PPM1F: variants seen among roughly 807,000 people sequenced by gnomAD.
PPM1F encodes protein phosphatase, Mg2+/Mn2+ dependent 1F, also known as protein phosphatase 1F.
Under a neutral mutation model 35.5 loss-of-function variants are expected in PPM1F, and 17 were observed. The observed-to-expected ratio is 0.48, with a 90% CI of 0.33 to 0.72. PPM1F has a LOEUF of 0.72. Ranked by LOEUF, PPM1F falls within the 30% of genes least tolerant of loss-of-function variation. The pLI, the probability that PPM1F is intolerant of heterozygous loss-of-function variation, is 0.02. For synonymous variants in PPM1F, 241 were observed against 255.5 expected (o/e 0.94, Z 0.54); for missense variants, 521 against 613.0 (o/e 0.85, Z 1.59).
rs1711728789 is a variant in PPM1F at position 21,922,114 on chromosome 22, C to T, written c.*978G>A. On this transcript the variant is annotated 3_prime_UTR_variant, in exon 8 of 8. Transcript: ENST00000263212. ...AAACCTCAATGGGCCTATCCGAGCC[C>T]ACTGCAGTCCTAGTTTCTTCAAAGC... 6.6e-6 allele frequency: 1 copy of T among 152,638 alleles called. No homozygotes were observed. The highest frequency in any genetic ancestry group is 1.5e-5 in the Non-Finnish European group (1 of 68,032). 9.5% of individuals were successfully genotyped at this position (152,638 alleles called of 1,614,324 possible).
At chr22:21,924,221 C>T (rs1368251173) in intron 7 of PPM1F, among the ~76,000 whole-genome samples, 1 of 151,790 alleles carries the variant, frequency 6.6e-6, no homozygotes, top group Non-Finnish European at 1.5e-5. Context: ...CAGCCTGAGA[C>T]CCGGCACTGA....
chr22:21,927,854 C>T (rs1055150218), intron 6 of PPM1F, among the ~76,000 whole-genome samples: 1 of 152,010 alleles, frequency 6.6e-6, no homozygotes, highest in Non-Finnish European at 1.5e-5. Flanking sequence ...CAGTCTGGTC[C>T]GGGACTAACA....
intron 2 of PPM1F, 106 bp downstream of exon 2, chr22:21,945,737 G>T: frequency 1.7e-6 from 2 of 1,194,256 alleles, no homozygotes; most frequent in Non-Finnish European, 1.2e-6. Context: ...CGGGGCTGCA[G>T]ATCCCCGTGT....
At chr22:21,931,017 G>A (rs1176121088) in intron 6 of PPM1F, 131 bp downstream of exon 6, 2 of 1,440,956 alleles carry the variant, frequency 1.4e-6, no homozygotes, top group Admixed American at 2.4e-5. Context: ...AAATCAGGCA[G>A]GGAGCCCTCC....
Position 21,934,024 on chromosome 22 carries a change from A to T in PPM1F, c.558T>A (p.Ser186=). 4 of 1,551,488 alleles carry T rather than the reference A, an allele frequency of 2.6e-6. No individual in the cohort carries two copies. The highest frequency in any genetic ancestry group is 2.6e-6 in the Non-Finnish European group (3 of 1,146,214). ...LPSFNQLFGL[S]DPVNRAYFAV... The stretch of plus-strand genomic sequence containing the variant: ...CCAGGGTCTGGACGGGAGCACTCAC[A>T]GACAAGCCGAAGAGCTGGTTGAAGG... The change falls in exon 4 of 8, where the codon TCT becomes TCA. Residue 186 remains serine (S), a splice_region_variant and synonymous_variant. Coordinates refer to ENST00000263212, the MANE Select transcript of PPM1F (RefSeq NM_014634.4).
intron 1 of PPM1F, chr22:21,950,455 C>T (rs1035832515): frequency 4.6e-5 from 7 of 151,386 alleles, no homozygotes; most frequent in Non-Finnish European, 5.9e-5. Context: ...CTAAGCTTAA[C>T]GAATGCAGGG....
chr22:21,947,878 T>C (rs2070792829), intron 1 of PPM1F: 1 of 151,892 alleles, frequency 6.6e-6, no homozygotes, highest in South Asian at 2.1e-4. Context: ...CAAAAGAGAA[T>C]GGGGTGGGCA....
chr22:21,927,532 A>C (rs1265989723), intron 6 of PPM1F, among the ~76,000 whole-genome samples: 3 of 152,178 alleles, frequency 2.0e-5, no homozygotes, highest in Non-Finnish European at 4.4e-5. Context: ...AATGAACGGC[A>C]ATCTGCTTCC....
chr22:21,940,519 A>G (rs1027769833), intron 2 of PPM1F: 1 of 152,014 alleles, frequency 6.6e-6, no homozygotes, highest in Non-Finnish European at 1.5e-5. Flanking sequence ...ACAGACACAC[A>G]CACACAGAGA....
intron 3 of PPM1F, chr22:21,935,081 G>A (rs1023747871): frequency 6.6e-6 from 1 of 152,064 alleles, no homozygotes; most frequent in Non-Finnish European, 1.5e-5. Flanking sequence ...AGCTTTATCT[G>A]GAACAGCCAA....
chr22:21,938,755 C>T (rs1013664696), intron 3 of PPM1F: 5 of 217,852 alleles, frequency 2.3e-5, no homozygotes, highest in African/African-American at 9.4e-5. Flanking sequence ...GCGATTCTTA[C>T]GCCCTGTATT....
chr22:21,926,809 C>T (rs62237482), intron 6 of PPM1F, among the ~76,000 whole-genome samples: 15,933 of 152,196 alleles, frequency 0.1, 908 homozygotes, highest in Non-Finnish European at 0.12. Flanking sequence ...ACTCTGATGC[C>T]CCAGGTGATG....
At chr22:21,927,510 C>T (rs1243448168) in intron 6 of PPM1F, among the ~76,000 whole-genome samples, 1 of 152,222 alleles carries the variant, frequency 6.6e-6, no homozygotes, top group Non-Finnish European at 1.5e-5. Flanking sequence ...GGAATGTGGG[C>T]AGGTGATGGA....
intron 3 of PPM1F, chr22:21,935,348 G>A (rs928403552): frequency 2.6e-5 from 4 of 152,240 alleles, no homozygotes; most frequent in African/African-American, 9.6e-5. Context: ...GATGGGGTCT[G>A]TAGGGGTGGG....
Position 21,939,397 on chromosome 22 carries a change from C to T in PPM1F, c.355+135G>A. 6 of 1,214,590 alleles carry T rather than the reference C, an allele frequency of 4.9e-6. No homozygotes were observed. Among genetic ancestry groups the T allele is most frequent in the Non-Finnish European group, 6.9e-6 (6 of 869,920 alleles). The allele number at this position is 1,214,590 out of a possible 1,614,324, so 75.2% of individuals were successfully genotyped here. On this transcript the variant is annotated intron_variant, in intron 3 of 7. Transcript: ENST00000263212. This position sits in a 1 kb window ranked among gnomAD's most constrained non-coding sequence, Gnocchi z 5.1. ...ACTGGGGCCGCAAGCCTTCTCTGCT[C>T]CTTGATTCTGCTGCCGTTGTGAGCG...
intron 7 of PPM1F, chr22:21,925,319 T>C (rs947990790): frequency 9.2e-6 from 4 of 436,022 alleles, no homozygotes; most frequent in Non-Finnish European, 1.6e-5. Context: ...CACAGGTTTC[T>C]ATGAGATTTG....
At chr22:21,927,225 GA>G (rs2070526814) in intron 6 of PPM1F, among the ~76,000 whole-genome samples, 1 of 152,226 alleles carries the variant, frequency 6.6e-6, no homozygotes, top group South Asian at 2.1e-4. Context: ...AGACAGCCAA[GA>G]AGAGGGCAGG....
chr22:21,952,144 T>C (rs1014038150), intron 1 of PPM1F: 4 of 152,396 alleles, frequency 2.6e-5, no homozygotes, highest in African/African-American at 7.2e-5. Flanking sequence ...CGGAGCCAGT[T>C]CTTCCTGTTG....
Position 21,923,209 on chromosome 22 carries a change from G to A in PPM1F, c.1248C>T (p.Pro416=). The change falls in exon 8 of 8, where the codon CCC becomes CCT. Residue 416 remains proline, a synonymous_variant. Coordinates refer to ENST00000263212, the MANE Select transcript of PPM1F (RefSeq NM_014634.4). ...ITVMVVFLRD[P]QELLEGGNQG... is the part of the protein sequence containing the mutation. The stretch of plus-strand genomic sequence containing the variant: ...GGTTCCCGCCCTCCAGCAGCTCTTG[G>A]GGGTCCCTGAGGAAGACCACCATGA... The A allele has an allele frequency of 6.2e-7, 1 of 1,613,618 alleles. No homozygotes were observed. The highest frequency in any genetic ancestry group is 8.5e-7 in the Non-Finnish European group (1 of 1,179,966).
Sources: gnomAD v4.1 joint callset for allele counts (sites outside exome capture counted in the v4.1 genomes callset) on GRCh38, gnomAD v4.1.1 for gene constraint, Gnocchi (gnomAD v3.1) non-coding constraint, MANE v1.5 for transcripts, NCBI Gene and HGNC (gene_info 2026-07-23, HGNC 2026-07-21) for gene names.